COG5: variants seen among roughly 807,000 people sequenced by gnomAD.
COG5 encodes conserved oligomeric Golgi complex subunit 5.
In COG5, 86 loss-of-function variants were observed where a neutral mutation model predicts 110.4. That is an observed-to-expected ratio of 0.78 (90% CI 0.65 to 0.93). The LOEUF (loss-of-function observed/expected upper bound fraction) is 0.93. Ranked by LOEUF, COG5 falls within the 40% of genes least tolerant of loss-of-function variation. The pLI, the probability that COG5 is intolerant of heterozygous loss-of-function variation, is 0.00. For synonymous variants in COG5, 360 were observed against 334.6 expected, an observed-to-expected ratio of 1.08 and a Z score of -0.83; for missense variants, 1,077 against 987.0, an observed-to-expected ratio of 1.09 and a Z score of -1.22.
intron 6 of COG5, among the ~76,000 whole-genome samples, chr7:107,461,766 A>T (rs1393453313): frequency 6.6e-6 from 1 of 152,214 alleles, no homozygotes; most frequent in African/African-American, 2.4e-5. Flanking sequence ...ACAAATCAAA[A>T]TTTTAAAATA....
chr7:107,316,657 C>T (rs1183904847), intron 11 of COG5, among the ~76,000 whole-genome samples: 1 of 75,918 alleles, frequency 1.3e-5, no homozygotes, highest in Non-Finnish European at 2.4e-5. Context: ...ACTAAAAATA[C>T]AAAAAAAAAA....
intron 14 of COG5, among the ~76,000 whole-genome samples, chr7:107,273,706 C>T (rs1391671665): frequency 6.6e-6 from 1 of 151,964 alleles, no homozygotes; most frequent in Non-Finnish European, 1.5e-5. Flanking sequence ...ATTCAAGATT[C>T]AATTGCTCAA....
At chr7:107,250,196 G>A (rs958407482) in intron 16 of COG5, among the ~76,000 whole-genome samples, 1 of 152,166 alleles carries the variant, frequency 6.6e-6, no homozygotes, top group Non-Finnish European at 1.5e-5. Context: ...CTGCTGGAGA[G>A]TGAGAGAGGG....
intron 8 of COG5, 78 bp downstream of exon 8, chr7:107,372,517 A>T (rs1181518501): frequency 2.2e-6 from 3 of 1,390,138 alleles, no homozygotes; most frequent in Non-Finnish European, 3.0e-6. Flanking sequence ...GCTTTGAAAC[A>T]TGAGTGTTTC....
chr7:107,288,767 A>G (rs1395589362), intron 12 of COG5, among the ~76,000 whole-genome samples: 2 of 151,738 alleles, frequency 1.3e-5, no homozygotes, highest in African/African-American at 4.8e-5. Flanking sequence ...TTGAAGCAGC[A>G]AAGTTTCTAA....
intron 6 of COG5, among the ~76,000 whole-genome samples, chr7:107,500,639 A>G (rs964119142): frequency 6.6e-6 from 1 of 152,182 alleles, no homozygotes; most frequent in African/African-American, 2.4e-5. Context: ...ATAAGGAAAT[A>G]ATATAGATTA....
chr7:107,444,138 G>A (rs973800386), intron 6 of COG5, among the ~76,000 whole-genome samples: 5 of 152,112 alleles, frequency 3.3e-5, no homozygotes, highest in East Asian at 1.9e-4. Flanking sequence ...TCTTCAAAAC[G>A]GGGATGATGA....
intron 3 of COG5, among the ~76,000 whole-genome samples, chr7:107,552,918 C>A (rs1803023832): frequency 6.6e-6 from 1 of 152,106 alleles, no homozygotes. Context: ...ACCATGGATA[C>A]TACACAGCCA....
chr7:107,219,123 A>T (rs1799720875), intron 19 of COG5, among the ~76,000 whole-genome samples: 1 of 152,244 alleles, frequency 6.6e-6, no homozygotes, highest in South Asian at 2.1e-4. Context: ...AGGAAAATGC[A>T]AATTAAAACC....
chr7:107,545,953 G>T (rs1021788589), intron 5 of COG5, among the ~76,000 whole-genome samples: 2 of 152,026 alleles, frequency 1.3e-5, no homozygotes, highest in African/African-American at 4.8e-5. Flanking sequence ...CTTTTTTCAG[G>T]ATAGATCATA....
chr7:107,563,630 A>C (rs1244585490), intron 1 of COG5, 173 bp downstream of exon 1: 3 of 717,572 alleles, frequency 4.2e-6, no homozygotes, highest in South Asian at 3.0e-5. Flanking sequence ...CCAGTCCCAG[A>C]GTAAATAGGT....
chr7:107,315,911 C>T (rs1214991199), intron 11 of COG5, among the ~76,000 whole-genome samples: 5 of 152,122 alleles, frequency 3.3e-5, no homozygotes, highest in Non-Finnish European at 7.4e-5. Flanking sequence ...GATTTTCTGT[C>T]TACATATTGT....
intron 14 of COG5, among the ~76,000 whole-genome samples, chr7:107,272,193 A>G (rs1030237923): frequency 1.3e-5 from 2 of 152,132 alleles, no homozygotes; most frequent in African/African-American, 4.8e-5. Flanking sequence ...CTTATGACAA[A>G]CCTGCCTCCC....
chr7:107,522,403 G>A (rs951895450), intron 6 of COG5, among the ~76,000 whole-genome samples: 1 of 152,190 alleles, frequency 6.6e-6, no homozygotes, highest in African/African-American at 2.4e-5. Context: ...AGGAGGCGGA[G>A]GTTGCGGTGA....
chr7:107,209,747 C>G, intron 21 of COG5: 1 of 909,798 alleles, frequency 1.1e-6, no homozygotes, highest in Non-Finnish European at 1.3e-6. Context: ...GGTTCCTGGC[C>G]CAGGGCCTAC....
At chr7:107,393,060 C>T (rs2129057403) in intron 7 of COG5, among the ~76,000 whole-genome samples, 2 of 152,306 alleles carry the variant, frequency 1.3e-5, no homozygotes, top group Admixed American at 1.3e-4. Flanking sequence ...GCATACCAGA[C>T]TCCCCATACT....
intron 6 of COG5, among the ~76,000 whole-genome samples, chr7:107,504,579 T>A (rs945106584): frequency 2.6e-5 from 4 of 152,216 alleles, no homozygotes; most frequent in Admixed American, 2.6e-4. Flanking sequence ...TTGATACCAG[T>A]TCATCTTTGA....
chr7:107,447,046 C>A (rs1267848389), intron 6 of COG5, among the ~76,000 whole-genome samples: 1 of 152,186 alleles, frequency 6.6e-6, no homozygotes, highest in African/African-American at 2.4e-5. Context: ...TGGGAAAGAA[C>A]TGCTTCCAGA....
intron 11 of COG5, among the ~76,000 whole-genome samples, chr7:107,315,280 T>C (rs1808629030): frequency 1.3e-5 from 2 of 152,096 alleles, no homozygotes; most frequent in Non-Finnish European, 2.9e-5. Context: ...AGCTTTAGTA[T>C]ACAGTATTTC....
Sources: gnomAD v4.1 joint callset for allele counts (sites outside exome capture counted in the v4.1 genomes callset) on GRCh38, gnomAD v4.1.1 for gene constraint, MANE v1.5 for transcripts, NCBI Gene and HGNC (gene_info 2026-07-23, HGNC 2026-07-21) for gene names.